Variants in PAFAH2 observed in about 807,000 individuals in gnomAD.
PAFAH2 encodes the protein platelet-activating factor acetylhydrolase 2, cytoplasmic.
Under a neutral mutation model 49.0 loss-of-function variants are expected in PAFAH2, and 42 were observed. The ratio of observed to expected loss-of-function variants is 0.86; its 90% CI spans 0.67 to 1.11. The LOEUF (loss-of-function observed/expected upper bound fraction) is 1.11, where lower values mean the gene tolerates loss of function less well. Among genes scored for constraint, PAFAH2 ranks in the 50% least tolerant of loss-of-function variants. The pLI is 0.00. For missense variants in PAFAH2, 503 were observed against 501.8 expected (o/e 1.00, Z -0.02); for synonymous variants, 184 against 181.3 (o/e 1.01, Z -0.12).
intron 4 of PAFAH2, among the ~76,000 whole-genome samples, chr1:25,986,187 A>G (rs1389713363): frequency 3.3e-5 from 5 of 152,252 alleles, no homozygotes; most frequent in Non-Finnish European, 5.9e-5. Flanking sequence ...TGGAAAAATT[A>G]ACCTAATATA....
At position 25,961,942 on chromosome 1, in the gene PAFAH2, C is replaced by T. The variant is rs762817871; in HGVS notation, c.*47G>A. On this transcript the variant is annotated 3_prime_UTR_variant, in exon 11 of 11. Transcript: ENST00000374282. ...GCTCATGGGTGCCCTTGGGTAGCTC[C>T]CAAATGAAAACTTGGCTGAAGTGAC... 12 of 1,482,596 alleles carry T rather than the reference C, an allele frequency of 8.1e-6. No homozygotes were observed. The Admixed American group carries it at 1.2e-4, about 15-fold the overall frequency. 91.8% of individuals were successfully genotyped at this position (1,482,596 alleles called of 1,614,324 possible).
intron 10 of PAFAH2, among the ~76,000 whole-genome samples, chr1:25,971,758 C>T (rs1439649902): frequency 6.6e-6 from 1 of 152,196 alleles, no homozygotes; most frequent in Non-Finnish European, 1.5e-5. Context: ...TAAGAGGATG[C>T]CTCCTCTGGG....
At chr1:25,991,382 C>A (rs2124368930) in intron 1 of PAFAH2, among the ~76,000 whole-genome samples, 1 of 152,060 alleles carries the variant, frequency 6.6e-6, no homozygotes, top group Non-Finnish European at 1.5e-5. Flanking sequence ...CTGGTTCAAG[C>A]GATTCTCCTG....
intron 2 of PAFAH2, among the ~76,000 whole-genome samples, chr1:25,990,245 T>C (rs1008404996): frequency 6.6e-6 from 1 of 151,948 alleles, no homozygotes. Flanking sequence ...CTACTATATA[T>C]ACATATATAT....
At chr1:25,971,006 T>A (rs1209400109) in intron 10 of PAFAH2, among the ~76,000 whole-genome samples, 1 of 152,116 alleles carries the variant, frequency 6.6e-6, no homozygotes, top group African/African-American at 2.4e-5. Flanking sequence ...ACATTTAGTT[T>A]AATAAACAGA....
intron 6 of PAFAH2, among the ~76,000 whole-genome samples, chr1:25,983,136 T>A (rs551841436): frequency 6.6e-6 from 1 of 152,114 alleles, no homozygotes; most frequent in African/African-American, 2.4e-5. Context: ...CACACCTATA[T>A]CTCCAGCACT....
intron 7 of PAFAH2, among the ~76,000 whole-genome samples, chr1:25,978,391 T>G (rs2049628789): frequency 6.6e-6 from 1 of 152,160 alleles, no homozygotes; most frequent in Non-Finnish European, 1.5e-5. Flanking sequence ...ACACTTTCCC[T>G]CTTTTCATAC....
intron 10 of PAFAH2, among the ~76,000 whole-genome samples, chr1:25,966,994 T>C (rs950762059): frequency 7.2e-6 from 1 of 138,752 alleles, no homozygotes; most frequent in African/African-American, 2.7e-5. Flanking sequence ...ATCGCGCCAC[T>C]GCACTCCAGT....
chr1:25,987,917 G>A (rs2049807356), intron 4 of PAFAH2, among the ~76,000 whole-genome samples: 1 of 152,036 alleles, frequency 6.6e-6, no homozygotes. Context: ...ATGATGCTCT[G>A]ATCACAAAGC....
Position 25,984,055 on chromosome 1 carries a change from T to G in PAFAH2, c.443A>C (p.Lys148Thr). 6.2e-7 allele frequency: 1 copy of G among 1,614,120 alleles called. No individual in the cohort carries two copies. The highest frequency in any genetic ancestry group is 8.5e-7 in the Non-Finnish European group (1 of 1,179,992). Residue 148 changes from lysine to threonine, a missense_variant, in exon 6 of 11, where the codon AAG becomes ACG. By Grantham distance (78) the Lys-to-Thr change is moderately conservative. Transcript: ENST00000374282. ...DRSAATTYFC[K>T]QAPEENQPTN... ...GGGCTGGTTCTCTTCTGGGGCCTGC[T>G]TGCAGAAATAGGTGGTTGCCGCTGA...
At chr1:25,979,582 G>A (rs2049650574) in intron 7 of PAFAH2, among the ~76,000 whole-genome samples, 1 of 152,012 alleles carries the variant, frequency 6.6e-6, no homozygotes, top group African/African-American at 2.4e-5. Flanking sequence ...CTGCCTCCCG[G>A]GTACAAGCGA....
At chr1:25,987,920 C>T (rs6598937) in intron 4 of PAFAH2, among the ~76,000 whole-genome samples, 81,793 of 151,850 alleles carry the variant, frequency 0.54, 25,003 homozygotes, top group East Asian at 0.7. Context: ...ATGCTCTGAT[C>T]ACAAAGCTCA....
intron 8 of PAFAH2, among the ~76,000 whole-genome samples, chr1:25,975,335 T>C (rs1272717127): frequency 6.6e-6 from 1 of 152,110 alleles, no homozygotes; most frequent in Admixed American, 6.5e-5. Flanking sequence ...CCCAGCACTT[T>C]GGGAGGCTGA....
chr1:25,965,554 G>A (rs2049406710), intron 10 of PAFAH2, among the ~76,000 whole-genome samples: 2 of 152,068 alleles, frequency 1.3e-5, no homozygotes, highest in African/African-American at 4.8e-5. Context: ...GGTGGCTCAC[G>A]CCTGTAACGC....
intron 6 of PAFAH2, among the ~76,000 whole-genome samples, chr1:25,982,937 A>C (rs1291668145): frequency 2.0e-5 from 3 of 152,028 alleles, no homozygotes; most frequent in African/African-American, 7.2e-5. Flanking sequence ...TTCTGGTGGG[A>C]ACTTCCCATT....
chr1:25,960,284 C>CA lies in PAFAH2; in HGVS notation c.*1704_*1705insT, dbSNP rs1256203157. On this transcript the variant is annotated 3_prime_UTR_variant, in exon 11 of 11. Coordinates refer to ENST00000374282, the MANE Select transcript of PAFAH2 (RefSeq NM_000437.4). ...CTAGGCCCAGCTTGCTCTGGTGGCC[C>CA]TGACCATGGGCCATTGTGTAGAGAT... 5 of 152,648 alleles carry CA rather than the reference C, an allele frequency of 3.3e-5. No individual in the cohort carries two copies. The highest frequency in any genetic ancestry group is 7.3e-5 in the Non-Finnish European group (5 of 68,034). The allele number at this position is 152,648 out of a possible 1,614,324, so 9.5% of individuals were successfully genotyped here. A position where few individuals can be genotyped will look rare whatever the true frequency, so the allele number is the denominator to read the frequency against.
chr1:25,981,038 G>A lies in PAFAH2; in HGVS notation c.666+1326C>T, dbSNP rs2049680048. 3.3e-5 allele frequency among the ~76,000 whole-genome samples: 5 copies of A among 152,024 alleles called. No homozygotes were observed. The South Asian group carries it at 1.0e-3, about 32-fold the overall frequency. On this transcript the variant is annotated intron_variant, in intron 7 of 10. Coordinates refer to ENST00000374282, the MANE Select transcript of PAFAH2 (RefSeq NM_000437.4). Reference sequence around the variant, plus strand: ...TAATAAAGGTCAAGCTATACAGGAGGATTGCTTGAGCCTAAGAGTTTGAGT... The same window carrying A: ...TAATAAAGGTCAAGCTATACAGGAGAATTGCTTGAGCCTAAGAGTTTGAGT...
In PAFAH2 at chr1:25,974,670, T is replaced by G; in HGVS notation, c.759-20A>C. On this transcript the variant is annotated intron_variant, in intron 8 of 10. Transcript: ENST00000374282. ...GCACACCTGGAATAGGACCAGACAT[T>G]TGGAATTGCCATGCGGATCCCAGGC... 6.2e-7 allele frequency: 1 copy of G among 1,603,246 alleles called. No individual in the cohort carries two copies. The highest frequency in any genetic ancestry group is 1.3e-5 in the African/African-American group (1 of 74,452).
At chr1:25,965,681 G>C (rs185839062) in intron 10 of PAFAH2, among the ~76,000 whole-genome samples, 9 of 151,910 alleles carry the variant, frequency 5.9e-5, no homozygotes, top group African/African-American at 2.2e-4. Context: ...AGCCAGGCAT[G>C]GTGGCGGGCA....
Sources: allele counts gnomAD v4.1 joint callset (sites outside exome capture counted in the v4.1 genomes callset), GRCh38; gene constraint gnomAD v4.1.1; transcripts MANE v1.5; gene names NCBI Gene and HGNC (gene_info 2026-07-23, HGNC 2026-07-21).